Variants in ING5 observed in about 807,000 individuals in gnomAD.
ING5 encodes the protein inhibitor of growth protein 5.
In ING5, 17 loss-of-function variants were observed where a neutral mutation model predicts 37.4. The observed-to-expected ratio is 0.45, with a 90% CI of 0.31 to 0.68. The LOEUF is 0.68. Among genes scored for constraint, ING5 ranks in the 30% least tolerant of loss-of-function variants. ING5 has a pLI of 0.05. For synonymous variants in ING5, 123 were observed against 116.6 expected, an observed-to-expected ratio of 1.06 and a Z score of -0.36; for missense variants, 233 against 311.9, an observed-to-expected ratio of 0.75 and a Z score of 1.91.
At chr2:241,709,781 A>G (rs2070049937) in intron 3 of ING5, among the ~76,000 whole-genome samples, 5 of 150,518 alleles carry the variant, frequency 3.3e-5, no homozygotes, top group South Asian at 2.1e-4. Flanking sequence ...TAATTTTTAT[A>G]TTTTTAGAAG....
chr2:241,720,469 G>A (rs1452109391), intron 5 of ING5: 6 of 1,022,770 alleles, frequency 5.9e-6, no homozygotes, highest in South Asian at 4.6e-5. Flanking sequence ...TCCGTGTCTC[G>A]TCTGAGATCC....
At chr2:241,704,771 G>A (rs1407613117) in intron 2 of ING5, 47 bp downstream of exon 2, 1 of 1,506,578 alleles carries the variant, frequency 6.6e-7, no homozygotes, top group East Asian at 2.3e-5. Context: ...TCTGACAGGT[G>A]GGAGCCAGCA....
rs1424689129 is a variant in ING5, at chr2:241,720,850, A to G, written c.483-2089A>G. 7 of 985,632 alleles carry G rather than the reference A, an allele frequency of 7.1e-6. No individual in the cohort carries two copies. In the African/African-American group the frequency reaches 1.2e-4, roughly 17 times the overall value. 61.1% of individuals were successfully genotyped at this position (985,632 alleles called of 1,614,324 possible). On this transcript the variant is annotated intron_variant, in intron 5 of 7. Coordinates refer to ENST00000313552, the MANE Select transcript of ING5 (RefSeq NM_032329.6). ...GGTTGCCTCCCTCAGGGCTGATAGC[A>G]GCACTCCCTGGCCACACGCCATGGC...
At chr2:241,720,461 C>T (rs1003257021) in intron 5 of ING5, 6 of 1,031,758 alleles carry the variant, frequency 5.8e-6, no homozygotes, top group African/African-American at 1.7e-5. Flanking sequence ...ACAGATGCTC[C>T]GTGTCTCGTC....
intron 5 of ING5, among the ~76,000 whole-genome samples, chr2:241,716,361 T>C (rs2070269170): frequency 6.7e-6 from 1 of 149,326 alleles, no homozygotes; most frequent in Admixed American, 6.8e-5. Context: ...GGCATGATCT[T>C]GGCTCACTAC....
upstream of ING5, among the ~76,000 whole-genome samples, chr2:241,697,704 G>A (rs939616055): frequency 1.3e-5 from 2 of 152,116 alleles, no homozygotes; most frequent in Non-Finnish European, 1.5e-5. Flanking sequence ...ATCGGGAAGC[G>A]CAGGGGATTT....
chr2:241,705,477 A>C (rs1354195733), intron 2 of ING5, among the ~76,000 whole-genome samples: 1 of 142,756 alleles, frequency 7.0e-6, no homozygotes, highest in African/African-American at 2.7e-5. Flanking sequence ...GGCTCACTGC[A>C]ACCTCCACCT....
intron 2 of ING5, among the ~76,000 whole-genome samples, chr2:241,691,905 A>G (rs1277427748): frequency 4.6e-5 from 7 of 152,130 alleles, no homozygotes; most frequent in Non-Finnish European, 1.0e-4. Flanking sequence ...TCTCTACAAA[A>G]TAAATAGGTG....
rs987819913 is a variant in ING5 at position 241,728,944 on chromosome 2, C to T, written c.*3913C>T. On this transcript the variant is annotated 3_prime_UTR_variant, in exon 8 of 8. Transcript: ENST00000313552. ...CCAGCAGCCCTGCCGGACTTGGCCT[C>T]CTGTCCTGTCGTTGGGAGCCCTGGC... 3.9e-5 allele frequency: 6 copies of T among 152,274 alleles called. No homozygotes were observed. Among genetic ancestry groups the T allele is most frequent in the Non-Finnish European group, 8.8e-5 (6 of 68,068 alleles). The allele number at this position is 152,274 out of a possible 1,614,324, so 9.4% of individuals were successfully genotyped here.
chr2:241,693,515 G>C (rs2069588282), intron 2 of ING5, among the ~76,000 whole-genome samples: 1 of 151,994 alleles, frequency 6.6e-6, no homozygotes, highest in South Asian at 2.1e-4. Flanking sequence ...TTGCAACCCA[G>C]CCTTGACCAG....
rs985601312 is a variant in ING5, at chr2:241,703,225, G to T, written c.37+1123G>T. Among the ~76,000 whole-genome samples the T allele has an allele frequency of 3.1e-4, 47 of 152,234 alleles. 1 individual carries two copies. Among genetic ancestry groups the T allele is most frequent in the Admixed American group, 3.0e-3 (46 of 15,280 alleles). On this transcript the variant is annotated intron_variant, in intron 1 of 7. Transcript: ENST00000313552. ...TCTGGGAGGCTGTGCCAGCCGGGAG[G>T]CTGTGCCTCTGTCCTCTAGGGGAGC...
chr2:241,704,273 G>C (rs969593231), intron 1 of ING5, among the ~76,000 whole-genome samples: 3 of 152,108 alleles, frequency 2.0e-5, no homozygotes, highest in Non-Finnish European at 2.9e-5. Flanking sequence ...TAGACTTGAA[G>C]TATAAAACTT....
intron 7 of ING5, chr2:241,724,737 C>T (rs1459737750): frequency 1.5e-5 from 8 of 549,020 alleles, no homozygotes; most frequent in East Asian, 1.2e-4. Context: ...TAAGGAGGAA[C>T]GCCTGGGTGT....
chr2:241,721,557 A>G lies in ING5; in HGVS notation c.483-1382A>G, dbSNP rs1461044548. On this transcript the variant is annotated intron_variant, in intron 5 of 7. Transcript: ENST00000313552. ...TAGACAGGTATCCAAGGAAAAGCTG[A>G]GTGTTGATTCCCTCTGGGACCCAGA... The G allele has an allele frequency of 3.0e-6, 3 of 985,328 alleles. No homozygotes were observed. In the East Asian group the frequency reaches 3.4e-4, roughly 112 times the overall value. 61.0% of individuals were successfully genotyped at this position (985,328 alleles called of 1,614,324 possible). A position where few individuals can be genotyped will look rare whatever the true frequency, so the allele number is the denominator to read the frequency against.
At position 241,723,044 on chromosome 2, in the gene ING5, T is replaced by C; in HGVS notation, c.588T>C (p.Tyr196=). The C allele has an allele frequency of 6.2e-7, 1 of 1,614,176 alleles. No individual in the cohort carries two copies. The highest frequency in any genetic ancestry group is 1.1e-5 in the South Asian group (1 of 91,084). ...PTYCLCHQVS[Y]GEMIGCDNPD... is the part of the protein sequence containing the mutation. ...ACTGCCTGTGCCACCAGGTCTCCTA[T>C]GGGGAGATGATTGGCTGTGACAATC... is the stretch of plus-strand genomic sequence containing the variant. Residue 196 remains tyrosine, a synonymous_variant, in exon 6 of 8, where the codon TAT becomes TAC. Coordinates refer to ENST00000313552, the MANE Select transcript of ING5 (RefSeq NM_032329.6).
chr2:241,708,185 C>T lies in ING5; in HGVS notation c.110-1031C>T, dbSNP rs560971987. ...TGCTGGGATCACAGGCGTGAGCCGC[C>T]GTGCATGGCCTTCAACAGTTTTCTT... On this transcript the variant is annotated intron_variant, in intron 2 of 7. Transcript: ENST00000313552. 2.2e-4 allele frequency among the ~76,000 whole-genome samples: 34 copies of T among 151,876 alleles called. 1 individual carries two copies. The South Asian group carries it at 6.9e-3, about 31-fold the overall frequency.
chr2:241,712,106 G>A (rs761235018), intron 5 of ING5, 35 bp downstream of exon 5: 20 of 1,487,612 alleles, frequency 1.3e-5, no homozygotes, highest in East Asian at 9.3e-5. Context: ...CCAAAAGAAC[G>A]AATACCCATA....
intron 2 of ING5, among the ~76,000 whole-genome samples, chr2:241,705,439 C>T (rs956515236): frequency 7.1e-6 from 1 of 141,602 alleles, no homozygotes; most frequent in Non-Finnish European, 1.5e-5. Context: ...ACTCTGTTGC[C>T]CAGGCTAGAG....
At chr2:241,705,623 G>A (rs764668776) in intron 2 of ING5, among the ~76,000 whole-genome samples, 87 of 151,598 alleles carry the variant, frequency 5.7e-4, no homozygotes, top group Non-Finnish European at 1.1e-3. Context: ...AGCCAGGATG[G>A]TCTTGATCTA....
Sources: allele counts gnomAD v4.1 joint callset (sites outside exome capture counted in the v4.1 genomes callset), GRCh38; gene constraint gnomAD v4.1.1; transcripts MANE v1.5; gene names NCBI Gene and HGNC (gene_info 2026-07-23, HGNC 2026-07-21).